Variants in APBA1 observed in about 807,000 individuals in gnomAD.
The protein encoded by APBA1 is amyloid-beta A4 precursor protein-binding family A member 1.
Under a neutral mutation model 86.6 loss-of-function variants are expected in APBA1, and 55 were observed. The observed-to-expected ratio is 0.64, with a 90% CI of 0.51 to 0.80. APBA1 has a LOEUF of 0.80. Ranked by LOEUF, APBA1 falls within the 30% of genes least tolerant of loss-of-function variation. APBA1 has a pLI of 0.00. For missense variants in APBA1, 1,090 were observed against 1,183.0 expected, an observed-to-expected ratio of 0.92 and a Z score of 1.15; for synonymous variants, 511 against 493.9, an observed-to-expected ratio of 1.03 and a Z score of -0.46.
intron 10 of APBA1, among the ~76,000 whole-genome samples, chr9:69,444,461 T>C (rs998762609): frequency 6.6e-6 from 1 of 152,224 alleles, no homozygotes; most frequent in Non-Finnish European, 1.5e-5. Context: ...GTTTTGTTTC[T>C]GCTACCCCAA....
intron 11 of APBA1, among the ~76,000 whole-genome samples, chr9:69,439,855 T>C (rs1162834565): frequency 6.6e-6 from 1 of 152,170 alleles, no homozygotes; most frequent in Non-Finnish European, 1.5e-5. Context: ...GGAGGAGAGG[T>C]GCTCTGGTTT....
chr9:69,587,640 C>G (rs766652965), intron 1 of APBA1, among the ~76,000 whole-genome samples: 1 of 152,120 alleles, frequency 6.6e-6, no homozygotes, highest in African/African-American at 2.4e-5. Context: ...CAAGCCCTCT[C>G]CAAAAAACAT....
At chr9:69,531,071 A>T (rs916878674) in intron 1 of APBA1, among the ~76,000 whole-genome samples, 9 of 152,220 alleles carry the variant, frequency 5.9e-5, no homozygotes, top group Non-Finnish European at 1.3e-4. Context: ...CATATGATCA[A>T]TATAAAAATT....
At chr9:69,563,842 C>T (rs1836985048) in intron 1 of APBA1, among the ~76,000 whole-genome samples, 1 of 152,140 alleles carries the variant, frequency 6.6e-6, no homozygotes, top group African/African-American at 2.4e-5. Context: ...ATAGCACTCA[C>T]TGACTTTTGT....
At position 69,451,653 on chromosome 9, in the gene APBA1, A is replaced by G. The variant is rs955986558; in HGVS notation, c.1968+469T>C. ...CCAGCTTGGATAGCCTCATCTTCCT[A>G]CAGGCATTCCTGAATAGCTCAGTTT... On this transcript the variant is annotated intron_variant, in intron 9 of 12. Transcript: ENST00000265381. Among the ~76,000 whole-genome samples the G allele has an allele frequency of 6.2e-4, 95 of 152,116 alleles. 1 individual carries two copies. The highest frequency in any genetic ancestry group is 2.2e-3 in the African/African-American group (92 of 41,426).
At chr9:69,643,538 C>G (rs1232565260) in intron 1 of APBA1, among the ~76,000 whole-genome samples, 2 of 152,152 alleles carry the variant, frequency 1.3e-5, no homozygotes, top group African/African-American at 4.8e-5. Context: ...GTTTCTTTTC[C>G]TCTATGTCTG....
chr9:69,551,179 G>A (rs1051511628), intron 1 of APBA1, among the ~76,000 whole-genome samples: 1 of 152,140 alleles, frequency 6.6e-6, no homozygotes, highest in African/African-American at 2.4e-5. Context: ...ATGAGGTCAC[G>A]GCTGCTTTGT....
At chr9:69,452,058 C>T in intron 9 of APBA1, 64 bp downstream of exon 9, 1 of 1,488,042 alleles carries the variant, frequency 6.7e-7, no homozygotes, top group Non-Finnish European at 9.3e-7. Flanking sequence ...CGGCAGGGTG[C>T]CCCACTTTCC....
At chr9:69,455,317 C>T (rs1317890865) in intron 8 of APBA1, among the ~76,000 whole-genome samples, 1 of 152,012 alleles carries the variant, frequency 6.6e-6, no homozygotes, top group Admixed American at 6.6e-5. Flanking sequence ...GAGTTTTCTG[C>T]TATTAAAAAT....
In APBA1 at chr9:69,469,090, G is replaced by C. The variant is rs185232331; in HGVS notation, c.1337-1122C>G. Among the ~76,000 whole-genome samples, 401 of 152,060 alleles carry C rather than the reference G, an allele frequency of 2.6e-3. 3 individuals carry two copies. Among genetic ancestry groups the C allele is most frequent in the African/African-American group, 9.2e-3 (383 of 41,480 alleles). ...TGCCCAGGCTGGTCTTGGACTCCTGGGCTCAAGCAATTTGCCCGCCTCAGC... is the reference window on the plus strand; with the variant it reads ...TGCCCAGGCTGGTCTTGGACTCCTGCGCTCAAGCAATTTGCCCGCCTCAGC... On this transcript the variant is annotated intron_variant, in intron 4 of 12. Transcript: ENST00000265381.
At chr9:69,668,026 T>C (rs1029117802) in intron 1 of APBA1, among the ~76,000 whole-genome samples, 1 of 152,260 alleles carries the variant, frequency 6.6e-6, no homozygotes, top group East Asian at 1.9e-4. Flanking sequence ...TTTTCTCCAA[T>C]TGCCCCTTGT....
chr9:69,441,812 C>T (rs182006560), intron 10 of APBA1, among the ~76,000 whole-genome samples: 2 of 152,288 alleles, frequency 1.3e-5, no homozygotes, highest in Admixed American at 6.5e-5. Context: ...TGATGACACA[C>T]CTCTCCCTCT....
rs111586076 is a variant in APBA1, at chr9:69,557,016, A to G, written c.-69-39737T>C. On this transcript the variant is annotated intron_variant, in intron 1 of 12. Transcript: ENST00000265381. ...AAAGAGGAGACACTAAAATCTAACA[A>G]AATGAGAGGCTGGCATGAAACATTT... is the stretch of plus-strand genomic sequence containing the variant. 2.2e-3 allele frequency among the ~76,000 whole-genome samples: 337 copies of G among 152,324 alleles called. 1 individual carries two copies. The highest frequency in any genetic ancestry group is 7.8e-3 in the African/African-American group (326 of 41,576).
chr9:69,491,115 A>G (rs1023235949), intron 2 of APBA1, among the ~76,000 whole-genome samples: 1 of 152,136 alleles, frequency 6.6e-6, no homozygotes, highest in Admixed American at 6.5e-5. Flanking sequence ...GTATATACCC[A>G]AACGATTATA....
intron 1 of APBA1, among the ~76,000 whole-genome samples, chr9:69,523,473 ATATGTATATATATATATATATATG>A (rs1836286663): frequency 2.4e-5 from 2 of 83,890 alleles, no homozygotes; most frequent in Non-Finnish European, 4.5e-5. Context: ...GTATATATAT[ATATGTATATATATATATATATATG>A]TATATATATA....
Position 69,552,472 on chromosome 9 carries a change from C to A in APBA1, c.-69-35193G>T, listed in dbSNP as rs535073126. On this transcript the variant is annotated intron_variant, in intron 1 of 12. Transcript: ENST00000265381. ...CTCTAAGTAACTTATTCCCCCACTA[C>A]CCCCATGGAGGATTTTAACAAACCC... Among the ~76,000 whole-genome samples, 20 of 152,308 alleles carry A rather than the reference C, an allele frequency of 1.3e-4. No individual in the cohort carries two copies. In the South Asian group the frequency reaches 3.9e-3, roughly 30 times the overall value.
At chr9:69,484,146 C>T (rs756265596) in intron 2 of APBA1, among the ~76,000 whole-genome samples, 1 of 152,074 alleles carries the variant, frequency 6.6e-6, no homozygotes, top group Non-Finnish European at 1.5e-5. Flanking sequence ...TGTATCACAC[C>T]TTCATTAAAA....
Position 69,525,521 on chromosome 9 carries a change from C to T in APBA1, c.-69-8242G>A, listed in dbSNP as rs79501479. On this transcript the variant is annotated intron_variant, in intron 1 of 12. Coordinates refer to ENST00000265381, the MANE Select transcript of APBA1 (RefSeq NM_001163.4). Reference sequence around the variant, plus strand: ...ACCCCCCAAAAATCTAGGAATACATCTAAGCAAAGAGAATAACAATCTCTA... The same window carrying T: ...ACCCCCCAAAAATCTAGGAATACATTTAAGCAAAGAGAATAACAATCTCTA... 7.4e-3 allele frequency among the ~76,000 whole-genome samples: 1,116 copies of T among 150,588 alleles called. 11 individuals carry two copies. Among genetic ancestry groups the T allele is most frequent in the African/African-American group, 0.025 (1,040 of 41,150 alleles).
At chr9:69,558,863 A>G (rs1836905817) in intron 1 of APBA1, among the ~76,000 whole-genome samples, 1 of 152,088 alleles carries the variant, frequency 6.6e-6, no homozygotes. Flanking sequence ...AGTTTGCAAG[A>G]TTACTTTAAA....
Sources: gnomAD v4.1 joint callset for allele counts (sites outside exome capture counted in the v4.1 genomes callset) on GRCh38, gnomAD v4.1.1 for gene constraint, MANE v1.5 for transcripts, NCBI Gene and HGNC (gene_info 2026-07-23, HGNC 2026-07-21) for gene names.